Variants in FAM171A2 observed in about 807,000 individuals in gnomAD.
FAM171A2 encodes the protein protein FAM171A2.
In FAM171A2, 13 loss-of-function variants were observed where a neutral mutation model predicts 34.2. The ratio of observed to expected loss-of-function variants is 0.38; its 90% CI spans 0.25 to 0.60. The LOEUF (loss-of-function observed/expected upper bound fraction) is 0.60. Among genes scored for constraint, FAM171A2 ranks in the 20% least tolerant of loss-of-function variants. The pLI is 0.62. For missense variants in FAM171A2, 950 were observed against 1,180.7 expected (o/e 0.80, Z 2.86); for synonymous variants, 475 against 561.2 (o/e 0.85, Z 2.17).
In FAM171A2 at chr17:44,356,522, T is replaced by C. The variant is rs1365944689; in HGVS notation, c.506A>G (p.Tyr169Cys). 1.9e-6 allele frequency: 3 copies of C among 1,550,328 alleles called. No individual in the cohort carries two copies. Among genetic ancestry groups the C allele is most frequent in the Non-Finnish European group, 2.6e-6 (3 of 1,146,870 alleles). Residue 169 changes from tyrosine (Y) to cysteine (C), a missense_variant, in exon 4 of 8, where the codon TAC becomes TGC. By Grantham distance (194) the Tyr-to-Cys change is radical. Coordinates refer to ENST00000293443, the MANE Select transcript of FAM171A2 (RefSeq NM_198475.3). ...CGTAAGTGACGCCCAGAGCTGGCTG[T>C]AGGTGGAGCTGACAGGCAGGCGGGC... Reference protein sequence around the residue: ...RAARLPVSSTYSQLWASLTPA... With the variant: ...RAARLPVSSTCSQLWASLTPA...
In FAM171A2 at chr17:44,355,270, A is replaced by C; in HGVS notation, c.1023-79T>G. ...GGCCCCGAACCCCCTTAGATGCAAG[A>C]CAAGAGACGAATATAGTGGAAGAGG... On this transcript the variant is annotated intron_variant, in intron 7 of 7. Transcript: ENST00000293443. The surrounding 1 kb of genome is among the most constrained non-coding windows in gnomAD (Gnocchi z 4.1). 6.6e-7 allele frequency: 1 copy of C among 1,509,422 alleles called. No individual in the cohort carries two copies. Among genetic ancestry groups the C allele is most frequent in the Non-Finnish European group, 8.8e-7 (1 of 1,132,318 alleles). The allele number at this position is 1,509,422 out of a possible 1,614,324, so 93.5% of individuals were successfully genotyped here. A position where few individuals can be genotyped will look rare whatever the true frequency, so the allele number is the denominator to read the frequency against.
chr17:44,359,447 A>G, intron 3 of FAM171A2, 132 bp downstream of exon 3: 1 of 724,362 alleles, frequency 1.4e-6, no homozygotes, highest in Non-Finnish European at 2.3e-6. Flanking sequence ...ACGTCTTACA[A>G]ATGAGCAAAT....
intron 1 of FAM171A2, among the ~76,000 whole-genome samples, chr17:44,361,125 A>G (rs1019279336): frequency 6.6e-6 from 1 of 152,194 alleles, no homozygotes; most frequent in Non-Finnish European, 1.5e-5. Flanking sequence ...GCCTCTGCCC[A>G]CAGCCCGTGG....
In FAM171A2 at chr17:44,355,753, C is replaced by T. The variant is rs1248095610; in HGVS notation, c.984G>A (p.Leu328=). 1.9e-6 allele frequency: 3 copies of T among 1,551,866 alleles called. No individual in the cohort carries two copies. Among genetic ancestry groups the T allele is most frequent in the African/African-American group, 1.4e-5 (1 of 73,174 alleles). ...LLTILAALAL[L]VLILLCLLIY... is the part of the protein sequence containing the mutation. ...TGAGCAGACACAGCAGGATAAGCAC[C>T]AGCAGGGCCAGGGCTGCCAGGATGG... Residue 328 remains leucine, a synonymous_variant, in exon 7 of 8, where the codon CTG becomes CTA. Transcript: ENST00000293443. The surrounding 1 kb of genome is among the most constrained non-coding windows in gnomAD (Gnocchi z 4.1).
intron 1 of FAM171A2, among the ~76,000 whole-genome samples, chr17:44,361,751 G>A (rs1195741913): frequency 6.6e-6 from 1 of 152,156 alleles, no homozygotes; most frequent in Admixed American, 6.5e-5. Context: ...TGATGATGTA[G>A]GCACTATCCT....
rs1306113264 is a variant in FAM171A2 at position 44,353,981 on chromosome 17, C to G, written c.2233G>C (p.Glu745Gln). The change falls in exon 8 of 8, where the codon GAG becomes CAG. Residue 745 changes from glutamate to glutamine, a missense_variant. Coordinates refer to ENST00000293443, the MANE Select transcript of FAM171A2 (RefSeq NM_198475.3). Reference sequence around the variant, plus strand: ...AGCAGCGGCGTCAGCGAGTTGTCCTCCGGAGAGCAGAGGCCCGTGCGGCTC... The same window carrying G: ...AGCAGCGGCGTCAGCGAGTTGTCCTGCGGAGAGCAGAGGCCCGTGCGGCTC... ...SESRTGLCSP[E>Q]DNSLTPLLDE... is the part of the protein sequence containing the mutation. The G allele has an allele frequency of 1.6e-6, 2 of 1,284,722 alleles. No individual in the cohort carries two copies. Among genetic ancestry groups the G allele is most frequent in the African/African-American group, 3.1e-5 (2 of 63,502 alleles). 79.6% of individuals were successfully genotyped at this position (1,284,722 alleles called of 1,614,324 possible). A position where few individuals can be genotyped will look rare whatever the true frequency, so the allele number is the denominator to read the frequency against.
At chr17:44,363,567 C>G in intron 1 of FAM171A2, 30 bp downstream of exon 1, 2 of 1,130,090 alleles carry the variant, frequency 1.8e-6, no homozygotes, top group Non-Finnish European at 2.2e-6. Flanking sequence ...CGCAGGCCCG[C>G]GATCGCGGCC....
chr17:44,363,663 C>G lies in FAM171A2; in HGVS notation c.52G>C (p.Gly18Arg). 4.1e-6 allele frequency: 5 copies of G among 1,227,246 alleles called. No individual in the cohort carries two copies. Among genetic ancestry groups the G allele is most frequent in the Non-Finnish European group, 5.1e-6 (5 of 984,602 alleles). 76.0% of individuals were successfully genotyped at this position (1,227,246 alleles called of 1,614,324 possible). The stretch of plus-strand genomic sequence containing the variant: ...CGGGAGGCGCTGCCGAGCAGCAGCC[C>G]CAGCAGCGGCAACAGCCGCGCGAGG... ...SVLARLLPLL[G>R]LLLGSASRAP... The change falls in exon 1 of 8, where the codon GGG (glycine) becomes CGG (arginine). Residue 18 changes from glycine to arginine, a missense_variant. By Grantham distance (125) the Gly-to-Arg change is moderately radical. This residue lies in a region of FAM171A2 where 752 missense variants were observed against 924.5 expected (regional missense o/e 0.81). Coordinates refer to ENST00000293443, the MANE Select transcript of FAM171A2 (RefSeq NM_198475.3).
At chr17:44,362,610 C>A (rs1013544898) in intron 1 of FAM171A2, among the ~76,000 whole-genome samples, 1 of 152,170 alleles carries the variant, frequency 6.6e-6, no homozygotes, top group Non-Finnish European at 1.5e-5. Context: ...GGGCGGAGGC[C>A]CCCAAGCGTC....
rs2048417401 is a variant in FAM171A2, at chr17:44,355,314, C to T, written c.1023-123G>A. ...GAAGAGGTGGGGAGAATGCCTGGGG[C>T]GCTCAGGAGAGATGGCGGGGAGCCG... On this transcript the variant is annotated intron_variant, in intron 7 of 7. Coordinates refer to ENST00000293443, the MANE Select transcript of FAM171A2 (RefSeq NM_198475.3). The surrounding 1 kb of genome is among the most constrained non-coding windows in gnomAD (Gnocchi z 4.1). 1.4e-6 allele frequency: 2 copies of T among 1,443,288 alleles called. No individual in the cohort carries two copies. The highest frequency in any genetic ancestry group is 9.1e-7 in the Non-Finnish European group (1 of 1,097,536). The allele number at this position is 1,443,288 out of a possible 1,614,324, so 89.4% of individuals were successfully genotyped here.
chr17:44,354,495 C>A lies in FAM171A2; in HGVS notation c.1719G>T (p.Ala573=). 1.8e-6 allele frequency: 2 copies of A among 1,083,112 alleles called. No homozygotes were observed. Among genetic ancestry groups the A allele is most frequent in the African/African-American group, 1.7e-5 (1 of 59,300 alleles). The allele number at this position is 1,083,112 out of a possible 1,614,324, so 67.1% of individuals were successfully genotyped here. Residue 573 remains alanine (A), a synonymous_variant, in exon 8 of 8, where the codon GCG becomes GCT. Transcript: ENST00000293443. The surrounding 1 kb of genome is among the most constrained non-coding windows in gnomAD (Gnocchi z 5.8). ...GGGGGTCGGGCTGGGGAAAAGCGCG[C>A]GCCGGGCCGGGTGCCGTGCCCTCCG... The part of the protein sequence containing the change: ...APPEGTAPGP[A]RAFPQPDPQR...
chr17:44,356,211 C>G lies in FAM171A2; in HGVS notation c.740G>C (p.Gly247Ala), dbSNP rs939873638. The G allele has an allele frequency of 2.4e-5, 37 of 1,550,302 alleles. No individual in the cohort carries two copies. Among genetic ancestry groups the G allele is most frequent in the Non-Finnish European group, 2.8e-5 (32 of 1,146,116 alleles). ...AAATCTCCAGGCTGGAATGCTGGTG[C>G]CCACGGTGAGGGCACGAGTCTCGGA... is the stretch of plus-strand genomic sequence containing the variant. ...VPSETRALTV[G>A]TSIPAWRFDP... is the part of the protein sequence containing the mutation. The change falls in exon 5 of 8, where the codon GGC becomes GCC. Residue 247 changes from glycine to alanine, a missense_variant. Gly to Ala is a moderately conservative substitution (Grantham distance 60, BLOSUM62 0). Coordinates refer to ENST00000293443, the MANE Select transcript of FAM171A2 (RefSeq NM_198475.3).
At position 44,354,364 on chromosome 17, in the gene FAM171A2, G is replaced by T; in HGVS notation, c.1850C>A (p.Thr617Asn). ...GRAAPVSGSV[T>N]IPVLFNESTM... Reference sequence around the variant, plus strand: ...GGACTCGTTGAATAGCACAGGGATGGTGACTGAGCCACTGACGGGCGCCGC... The same window carrying T: ...GGACTCGTTGAATAGCACAGGGATGTTGACTGAGCCACTGACGGGCGCCGC... Residue 617 changes from threonine to asparagine, a missense_variant, in exon 8 of 8, where the codon ACC (threonine) becomes AAC (asparagine). This residue lies in a region of FAM171A2 where 752 missense variants were observed against 924.5 expected (regional missense o/e 0.81). Coordinates refer to ENST00000293443, the MANE Select transcript of FAM171A2 (RefSeq NM_198475.3). This position sits in a 1 kb window ranked among gnomAD's most constrained non-coding sequence, Gnocchi z 5.8. The T allele has an allele frequency of 7.4e-7, 1 of 1,359,538 alleles. No homozygotes were observed. Among genetic ancestry groups the T allele is most frequent in the Non-Finnish European group, 9.6e-7 (1 of 1,039,520 alleles). 84.2% of individuals were successfully genotyped at this position (1,359,538 alleles called of 1,614,324 possible).
Position 44,354,301 on chromosome 17 carries a change from G to C in FAM171A2, c.1913C>G (p.Thr638Ser), listed in dbSNP as rs754863727. Residue 638 changes from threonine (T) to serine (S), a missense_variant, in exon 8 of 8, where the codon ACC becomes AGC. Around this residue, in one of 3 missense-constraint regions of FAM171A2, gnomAD observed 752 missense variants for 924.5 expected, o/e 0.81. Transcript: ENST00000293443. The surrounding 1 kb of genome is among the most constrained non-coding windows in gnomAD (Gnocchi z 5.8). ...GCCCAGTTCCAGCAGCTTCTTCTCG[G>C]TCAGGGCCTGCAGCTCCCCGTTGAG... is the stretch of plus-strand genomic sequence containing the variant. ...AQLNGELQALTEKKLLELGVK... is the reference protein window; with the variant it reads ...AQLNGELQALSEKKLLELGVK... The C allele has an allele frequency of 7.6e-6, 11 of 1,456,268 alleles. No homozygotes were observed. The South Asian group carries it at 1.4e-4, about 19-fold the overall frequency. 90.2% of individuals were successfully genotyped at this position (1,456,268 alleles called of 1,614,324 possible). A position where few individuals can be genotyped will look rare whatever the true frequency, so the allele number is the denominator to read the frequency against.
In FAM171A2 at chr17:44,355,872, G is replaced by A. The variant is rs375958062; in HGVS notation, c.896-31C>T. On this transcript the variant is annotated intron_variant, in intron 6 of 7. Coordinates refer to ENST00000293443, the MANE Select transcript of FAM171A2 (RefSeq NM_198475.3). This position sits in a 1 kb window ranked among gnomAD's most constrained non-coding sequence, Gnocchi z 4.1. ...CCAGGCGAGGGCTTAGCGTTCAGGT[G>A]TAGACACCCTTCCTGCCTTTCAGAA... is the stretch of plus-strand genomic sequence containing the variant. The A allele has an allele frequency of 1.1e-4, 165 of 1,551,014 alleles. 1 individual carries two copies. In the African/African-American group the frequency reaches 2.1e-3, roughly 19 times the overall value.
At chr17:44,362,183 C>A (rs2048450652) in intron 1 of FAM171A2, among the ~76,000 whole-genome samples, 1 of 152,106 alleles carries the variant, frequency 6.6e-6, no homozygotes, top group Non-Finnish European at 1.5e-5. Context: ...CCCCAGAGAA[C>A]CCCCAATCCT....
At chr17:44,359,322 A>G in intron 3 of FAM171A2, 1 of 501,074 alleles carries the variant, frequency 2.0e-6, no homozygotes, top group South Asian at 2.3e-5. Flanking sequence ...TAGATGGAGA[A>G]TAGAAACCAC....
chr17:44,363,496 T>A, intron 1 of FAM171A2, 101 bp downstream of exon 1: 3 of 444,736 alleles, frequency 6.7e-6, no homozygotes, highest in African/African-American at 2.1e-5. Flanking sequence ...GGGAACAGAA[T>A]ACCACTCAAT....
intron 1 of FAM171A2, 123 bp downstream of exon 1, chr17:44,363,474 C>A (rs867924628): frequency 3.0e-5 from 13 of 436,842 alleles, no homozygotes; most frequent in Admixed American, 4.6e-5. Context: ...TAGCTCCCCC[C>A]ACCCGAATCC....
Sources: gnomAD v4.1 joint callset for allele counts (sites outside exome capture counted in the v4.1 genomes callset) on GRCh38, gnomAD v4.1.1 for gene constraint, gnomAD v4.1.1 regional missense constraint, Gnocchi (gnomAD v3.1) non-coding constraint, MANE v1.5 for transcripts, NCBI Gene and HGNC (gene_info 2026-07-23, HGNC 2026-07-21) for gene names.